The following HPSE2 variants were observed in gnomAD, a reference collection of about 807,000 sequenced individuals.
The protein encoded by HPSE2 is inactive heparanase-2.
Under a neutral mutation model 60.5 loss-of-function variants are expected in HPSE2, and 38 were observed. The observed-to-expected ratio is 0.63, with a 90% CI of 0.48 to 0.82. HPSE2 has a LOEUF of 0.82. Ranked by LOEUF, HPSE2 falls within the 40% of genes least tolerant of loss-of-function variation. The probability of loss-of-function intolerance (pLI) is 0.00; values close to 1 mark genes in which losing one functional copy is unlikely to be tolerated. For missense variants in HPSE2, 713 were observed against 740.4 expected, an observed-to-expected ratio of 0.96 and a Z score of 0.43; for synonymous variants, 295 against 293.2, an observed-to-expected ratio of 1.01 and a Z score of -0.06.
At chr10:99,008,313 G>C (rs990382712) in intron 3 of HPSE2, among the ~76,000 whole-genome samples, 4 of 152,120 alleles carry the variant, frequency 2.6e-5, no homozygotes, top group African/African-American at 9.7e-5. Flanking sequence ...AACTAATACT[G>C]CTGAGTTCAA....
In HPSE2 at chr10:99,135,039, A is replaced by G. The variant is rs903026837; in HGVS notation, c.610+9199T>C. Among the ~76,000 whole-genome samples the G allele has an allele frequency of 7.9e-5, 12 of 152,322 alleles. No individual in the cohort carries two copies. In the East Asian group the frequency reaches 1.9e-3, roughly 24 times the overall value. ...GGAGGAATATTTACCAAGGAAATGGAAAGCAAAAAAAAACAGGAGTTGCGA... is the reference window on the plus strand; with the variant it reads ...GGAGGAATATTTACCAAGGAAATGGGAAGCAAAAAAAAACAGGAGTTGCGA... On this transcript the variant is annotated intron_variant, in intron 3 of 11. Coordinates refer to ENST00000370552, the MANE Select transcript of HPSE2 (RefSeq NM_021828.5).
At chr10:98,562,625 G>A (rs1944220902) in intron 9 of HPSE2, among the ~76,000 whole-genome samples, 1 of 151,354 alleles carries the variant, frequency 6.6e-6, no homozygotes, top group African/African-American at 2.4e-5. Context: ...TGAGGCAGGA[G>A]AAGGGCGTGA....
At chr10:99,164,829 T>C (rs188107289) in intron 2 of HPSE2, among the ~76,000 whole-genome samples, 1 of 152,192 alleles carries the variant, frequency 6.6e-6, no homozygotes, top group East Asian at 1.9e-4. Context: ...CTCACGCCTG[T>C]AATCCCAGCA....
At chr10:99,005,035 A>G (rs1956860464) in intron 3 of HPSE2, among the ~76,000 whole-genome samples, 1 of 152,148 alleles carries the variant, frequency 6.6e-6, no homozygotes, top group Non-Finnish European at 1.5e-5. Context: ...GAACTCCCTT[A>G]TATGTGATCT....
At chr10:98,989,036 A>T (rs1462414186) in intron 3 of HPSE2, among the ~76,000 whole-genome samples, 3 of 151,502 alleles carry the variant, frequency 2.0e-5, no homozygotes, top group Non-Finnish European at 2.9e-5. Flanking sequence ...GAACACTTTT[A>T]CACTGTTGGT....
chr10:98,886,885 T>C (rs1344286614), intron 3 of HPSE2, among the ~76,000 whole-genome samples: 1 of 152,154 alleles, frequency 6.6e-6, no homozygotes, highest in Admixed American at 6.5e-5. Context: ...ATCATGGGTC[T>C]GGCATTTCAA....
intron 3 of HPSE2, among the ~76,000 whole-genome samples, chr10:99,104,206 A>C (rs1199844376): frequency 6.6e-6 from 1 of 152,228 alleles, no homozygotes; most frequent in Non-Finnish European, 1.5e-5. Flanking sequence ...CAACCTACAG[A>C]ATGGGAGAAA....
At chr10:99,100,924 T>C (rs1351140919) in intron 3 of HPSE2, among the ~76,000 whole-genome samples, 1 of 152,058 alleles carries the variant, frequency 6.6e-6, no homozygotes, top group Non-Finnish European at 1.5e-5. Context: ...ATAAAATACT[T>C]TACACACAAG....
In HPSE2 at chr10:98,710,605, C is replaced by A. The variant is rs575764277; in HGVS notation, c.956+11052G>T. On this transcript the variant is annotated intron_variant, in intron 5 of 11. Transcript: ENST00000370552. ...GAAAAAATAAGTTAATTACCATTTG[C>A]CGACTGACAGGCATTTGGTAAGCAG... 3.3e-5 allele frequency among the ~76,000 whole-genome samples: 5 copies of A among 152,222 alleles called. No individual in the cohort carries two copies. In the East Asian group the frequency reaches 9.6e-4, roughly 29 times the overall value.
At chr10:98,939,912 C>T (rs1192003880) in intron 3 of HPSE2, among the ~76,000 whole-genome samples, 1 of 143,808 alleles carries the variant, frequency 7.0e-6, no homozygotes, top group African/African-American at 2.8e-5. Context: ...CAAACTAGAA[C>T]TCAGGATTAA....
intron 3 of HPSE2, among the ~76,000 whole-genome samples, chr10:99,112,407 T>TTTTGTTTTGTTTTG (rs1554890871): frequency 1.5e-5 from 2 of 130,746 alleles, no homozygotes; most frequent in African/African-American, 5.7e-5. Flanking sequence ...GCCCGGCTTT[T>TTTTGTTTTGTTTTG]TTTTGTTGTG....
At chr10:98,898,770 C>T (rs750190347) in intron 3 of HPSE2, among the ~76,000 whole-genome samples, 4 of 152,014 alleles carry the variant, frequency 2.6e-5, no homozygotes, top group Non-Finnish European at 4.4e-5. Flanking sequence ...CAGAATGTAA[C>T]AATACAATCC....
At chr10:98,809,033 C>T (rs1481008161) in intron 3 of HPSE2, among the ~76,000 whole-genome samples, 1 of 152,088 alleles carries the variant, frequency 6.6e-6, no homozygotes, top group African/African-American at 2.4e-5. Flanking sequence ...ATTACAGTAT[C>T]GTCCAGATAT....
At chr10:99,021,207 A>G (rs2135425819) in intron 3 of HPSE2, among the ~76,000 whole-genome samples, 1 of 152,338 alleles carries the variant, frequency 6.6e-6, no homozygotes, top group Middle Eastern at 3.4e-3. Context: ...GGTGTGGACA[A>G]TGGCATCAAT....
At chr10:98,470,653 T>C (rs1416195497) in intron 11 of HPSE2, among the ~76,000 whole-genome samples, 1 of 152,238 alleles carries the variant, frequency 6.6e-6, no homozygotes, top group Non-Finnish European at 1.5e-5. Context: ...TGCCCACATA[T>C]TCTGCTGCTC....
chr10:99,071,172 C>T (rs922996988), intron 3 of HPSE2, among the ~76,000 whole-genome samples: 2 of 150,864 alleles, frequency 1.3e-5, no homozygotes, highest in Non-Finnish European at 2.9e-5. Context: ...CAGGTTCAAG[C>T]GATTCTCCTG....
At chr10:98,674,870 T>C (rs1211643267) in intron 6 of HPSE2, among the ~76,000 whole-genome samples, 2 of 152,046 alleles carry the variant, frequency 1.3e-5, no homozygotes, top group African/African-American at 4.8e-5. Flanking sequence ...TGCAGTGAGC[T>C]GAGATCACAC....
chr10:98,795,220 T>G (rs1950753211), intron 3 of HPSE2, among the ~76,000 whole-genome samples: 1 of 152,076 alleles, frequency 6.6e-6, no homozygotes, highest in Admixed American at 6.6e-5. Flanking sequence ...AAAAATCAGG[T>G]GAATAATCAC....
chr10:98,926,848 T>C (rs1007876642), intron 3 of HPSE2, among the ~76,000 whole-genome samples: 2 of 152,244 alleles, frequency 1.3e-5, no homozygotes, highest in African/African-American at 4.8e-5. Flanking sequence ...TCTTTATTTC[T>C]ACCTTCATTT....
Sources: gnomAD v4.1 joint callset for allele counts (sites outside exome capture counted in the v4.1 genomes callset) on GRCh38, gnomAD v4.1.1 for gene constraint, MANE v1.5 for transcripts, NCBI Gene and HGNC (gene_info 2026-07-23, HGNC 2026-07-21) for gene names.